DENND1A: variants seen among roughly 807,000 people sequenced by gnomAD.
The protein encoded by DENND1A is DENN domain containing 1A.
DENND1A carries 51 observed loss-of-function variants against 113.7 expected under a neutral mutation model. The observed-to-expected ratio is 0.45, with a 90% CI of 0.36 to 0.57. The LOEUF (loss-of-function observed/expected upper bound fraction) is 0.57, where lower values mean the gene tolerates loss of function less well. DENND1A is among the 20% of genes least tolerant of loss of function. The pLI, the probability that DENND1A is intolerant of heterozygous loss-of-function variation, is 0.00. For synonymous variants in DENND1A, 565 were observed against 570.8 expected (o/e 0.99, Z 0.14); for missense variants, 1,258 against 1,395.9 (o/e 0.90, Z 1.57).
intron 1 of DENND1A, chr9:123,928,966 C>T: frequency 1.2e-5 from 11 of 920,008 alleles, no homozygotes; most frequent in Non-Finnish European, 1.4e-5. Context: ...AAAAAGTGAA[C>T]ATTTGTTAGT....
At chr9:123,821,166 TGACTA>T (rs1232699291) in intron 2 of DENND1A, among the ~76,000 whole-genome samples, 2 of 152,314 alleles carry the variant, frequency 1.3e-5, no homozygotes, top group East Asian at 3.9e-4. Context: ...TGAGTTAACT[TGACTA>T]ATGTGTATTT....
At chr9:123,750,608 A>C (rs1355811961) in intron 5 of DENND1A, among the ~76,000 whole-genome samples, 2 of 152,240 alleles carry the variant, frequency 1.3e-5, no homozygotes, top group Admixed American at 6.5e-5. Context: ...TCCAGAGAAT[A>C]ACAAGAACAA....
chr9:123,611,680 C>T (rs1318998247), intron 10 of DENND1A, among the ~76,000 whole-genome samples: 1 of 152,118 alleles, frequency 6.6e-6, no homozygotes, highest in Admixed American at 6.5e-5. Context: ...TGGGTTTTAA[C>T]CAGAATTGTA....
At chr9:123,651,096 G>A (rs970585193) in intron 9 of DENND1A, among the ~76,000 whole-genome samples, 1 of 151,374 alleles carries the variant, frequency 6.6e-6, no homozygotes, top group African/African-American at 2.4e-5. Flanking sequence ...AAATATTGGG[G>A]AAAATGTGAA....
At chr9:123,682,805 GC>G (rs1695943983) in intron 5 of DENND1A, among the ~76,000 whole-genome samples, 1 of 152,128 alleles carries the variant, frequency 6.6e-6, no homozygotes, top group Non-Finnish European at 1.5e-5. Context: ...TCCAGAACAC[GC>G]TTCCTGTCCC....
intron 2 of DENND1A, among the ~76,000 whole-genome samples, chr9:123,864,192 A>C (rs1845493294): frequency 6.6e-6 from 1 of 152,236 alleles, no homozygotes; most frequent in Non-Finnish European, 1.5e-5. Context: ...TCCTCATGGC[A>C]ATTCTAAAAG....
At chr9:123,495,379 G>A (rs1011604825) in intron 13 of DENND1A, among the ~76,000 whole-genome samples, 3 of 152,120 alleles carry the variant, frequency 2.0e-5, no homozygotes, top group African/African-American at 4.8e-5. Flanking sequence ...AGCTCTTCCC[G>A]CCTTGGGTGG....
intron 12 of DENND1A, among the ~76,000 whole-genome samples, chr9:123,573,641 C>T (rs546591760): frequency 2.6e-5 from 4 of 152,208 alleles, no homozygotes; most frequent in Non-Finnish European, 5.9e-5. Context: ...TGTATACTGA[C>T]TTTATCCTGC....
chr9:123,479,511 C>G (rs942830757), intron 13 of DENND1A, among the ~76,000 whole-genome samples: 1 of 152,216 alleles, frequency 6.6e-6, no homozygotes, highest in Non-Finnish European at 1.5e-5. Flanking sequence ...TGAAAGATAG[C>G]CTGGAATTCC....
chr9:123,569,775 T>C (rs2058252375), intron 12 of DENND1A, among the ~76,000 whole-genome samples: 1 of 152,128 alleles, frequency 6.6e-6, no homozygotes, highest in South Asian at 2.1e-4. Flanking sequence ...CCAATATCAG[T>C]AGACGTGGGG....
intron 11 of DENND1A, among the ~76,000 whole-genome samples, chr9:123,606,475 G>A (rs2060159588): frequency 6.6e-6 from 1 of 152,170 alleles, no homozygotes; most frequent in African/African-American, 2.4e-5. Flanking sequence ...ATTCATGTAA[G>A]TGCAAAACTC....
intron 2 of DENND1A, among the ~76,000 whole-genome samples, chr9:123,807,589 A>AC (rs1358907444): frequency 6.6e-6 from 1 of 152,250 alleles, no homozygotes; most frequent in African/African-American, 2.4e-5. Context: ...AGATAAAGGC[A>AC]CCACAGACTT....
At chr9:123,485,958 C>T (rs2050825857) in intron 13 of DENND1A, among the ~76,000 whole-genome samples, 2 of 152,210 alleles carry the variant, frequency 1.3e-5, no homozygotes, top group South Asian at 4.1e-4. Context: ...CCCATGGGCT[C>T]TGTGACTTGG....
At chr9:123,467,683 A>G (rs1338000994) in intron 13 of DENND1A, among the ~76,000 whole-genome samples, 1 of 152,234 alleles carries the variant, frequency 6.6e-6, no homozygotes, top group Middle Eastern at 3.4e-3. Context: ...ACATCCCCAC[A>G]CCAGTTCAAA....
In DENND1A at chr9:123,409,153, G is replaced by A. The variant is rs1482962389; in HGVS notation, c.1542+2623C>T. Among the ~76,000 whole-genome samples, 3 of 152,240 alleles carry A rather than the reference G, an allele frequency of 2.0e-5. No individual in the cohort carries two copies. The East Asian group carries it at 5.8e-4, about 29-fold the overall frequency. ...GAGACAATAATTACACAAGTGCCTA[G>A]CACAGTCCTAGGCACCATAAAAGGT... On this transcript the variant is annotated intron_variant, in intron 20 of 23. Coordinates refer to ENST00000394215, the MANE Select transcript of DENND1A (RefSeq NM_001352964.2).
At chr9:123,553,400 GCCCC>G (rs869110586) in intron 13 of DENND1A, among the ~76,000 whole-genome samples, 4 of 112,480 alleles carry the variant, frequency 3.6e-5, no homozygotes, top group Non-Finnish European at 7.2e-5. Context: ...TTTAAAAGCC[GCCCC>G]CCCCCCGCTC....
intron 4 of DENND1A, among the ~76,000 whole-genome samples, chr9:123,760,085 G>C (rs2131459093): frequency 6.6e-6 from 1 of 152,276 alleles, no homozygotes; most frequent in Non-Finnish European, 1.5e-5. Flanking sequence ...TCAACACTGA[G>C]TTATTCAAAG....
At chr9:123,452,653 C>T (rs1274354824) in intron 16 of DENND1A, among the ~76,000 whole-genome samples, 2 of 151,998 alleles carry the variant, frequency 1.3e-5, no homozygotes, top group African/African-American at 4.8e-5. Context: ...GCATCACAGG[C>T]TGCCTAAGGC....
intron 13 of DENND1A, among the ~76,000 whole-genome samples, chr9:123,498,010 G>C (rs1192697657): frequency 2.6e-5 from 4 of 152,190 alleles, no homozygotes; most frequent in Non-Finnish European, 5.9e-5. Flanking sequence ...GAGATGCACA[G>C]GGATGAAGAA....
Sources: allele counts gnomAD v4.1 joint callset (sites outside exome capture counted in the v4.1 genomes callset), GRCh38; gene constraint gnomAD v4.1.1; transcripts MANE v1.5; gene names NCBI Gene and HGNC (gene_info 2026-07-23, HGNC 2026-07-21).